FOXP1: variants seen among roughly 807,000 people sequenced by gnomAD.
FOXP1 encodes the protein forkhead box P1.
A neutral mutation model predicts 98.2 loss-of-function variants in FOXP1; 15 were observed. That is an observed-to-expected ratio of 0.15 (90% CI 0.10 to 0.24). The LOEUF is 0.24. Among genes scored for constraint, FOXP1 ranks in the 10% least tolerant of loss-of-function variants. The pLI, the probability that FOXP1 is intolerant of heterozygous loss-of-function variation, is 1.00. For synonymous variants in FOXP1, 371 were observed against 314.5 expected, an observed-to-expected ratio of 1.18 and a Z score of -1.90; for missense variants, 633 against 848.5, an observed-to-expected ratio of 0.75 and a Z score of 3.15.
chr3:71,513,919 C>T (rs959683019), intron 2 of FOXP1, among the ~76,000 whole-genome samples: 1 of 152,230 alleles, frequency 6.6e-6, no homozygotes, highest in Non-Finnish European at 1.5e-5. Flanking sequence ...CCCTAAGCTG[C>T]TTCTCTTGCC....
rs780171188 is a variant in FOXP1 at position 70,956,774 on chromosome 3, A to T, written c.*2473T>A. On this transcript the variant is annotated 3_prime_UTR_variant, in exon 21 of 21. Transcript: ENST00000649528. Reference sequence around the variant, plus strand: ...TTTTTTTTTTTTTTTTTTTTTTTTTAAAGTCTTGCGTGACCACAGACTGCC... The same window carrying T: ...TTTTTTTTTTTTTTTTTTTTTTTTTTAAGTCTTGCGTGACCACAGACTGCC... 557 of 49,296 alleles carry T rather than the reference A, an allele frequency of 0.011. 1 individual carries two copies. The highest frequency in any genetic ancestry group is 0.016 in the Non-Finnish European group (426 of 25,890). 3.1% of individuals were successfully genotyped at this position (49,296 alleles called of 1,614,324 possible). A position where few individuals can be genotyped will look rare whatever the true frequency, so the allele number is the denominator to read the frequency against.
intron 3 of FOXP1, among the ~76,000 whole-genome samples, chr3:71,400,850 A>C (rs185399739): frequency 6.6e-6 from 1 of 152,280 alleles, no homozygotes; most frequent in East Asian, 1.9e-4. Flanking sequence ...TTTGAGGAAG[A>C]ATTAGAAAAT....
At chr3:70,984,452 T>C (rs1013442589) in intron 14 of FOXP1, among the ~76,000 whole-genome samples, 2 of 152,196 alleles carry the variant, frequency 1.3e-5, no homozygotes, top group Non-Finnish European at 2.9e-5. Context: ...TACTTACAGG[T>C]AGTGCAATTC....
chr3:71,176,800 G>A (rs1296417933), intron 6 of FOXP1, among the ~76,000 whole-genome samples: 3 of 142,762 alleles, frequency 2.1e-5, no homozygotes, highest in Non-Finnish European at 4.5e-5. Flanking sequence ...GGTGGCTCAC[G>A]CCTATAATCC....
intron 5 of FOXP1, among the ~76,000 whole-genome samples, chr3:71,220,626 G>A (rs1029019133): frequency 1.6e-4 from 25 of 152,078 alleles, no homozygotes; most frequent in Middle Eastern, 6.8e-3. Context: ...GGCAGTGCAC[G>A]CCTGTAGTCC....
chr3:71,562,586 T>C (rs2046623231), intron 2 of FOXP1, among the ~76,000 whole-genome samples: 1 of 152,182 alleles, frequency 6.6e-6, no homozygotes, highest in Non-Finnish European at 1.5e-5. Flanking sequence ...TGACAGACAC[T>C]GGGCATCATG....
chr3:71,223,155 TAA>T (rs946445790), intron 5 of FOXP1, among the ~76,000 whole-genome samples: 2 of 152,304 alleles, frequency 1.3e-5, no homozygotes, highest in African/African-American at 2.4e-5. Flanking sequence ...TCCCCCATTC[TAA>T]AAAGAGTCTC....
At chr3:71,486,863 T>C (rs1187784501) in intron 3 of FOXP1, among the ~76,000 whole-genome samples, 8 of 152,226 alleles carry the variant, frequency 5.3e-5, no homozygotes, top group Non-Finnish European at 1.0e-4. Flanking sequence ...TCACGGAAGA[T>C]ATCATTTGAA....
intron 3 of FOXP1, among the ~76,000 whole-genome samples, chr3:71,401,999 G>C (rs1433024055): frequency 6.6e-6 from 1 of 152,166 alleles, no homozygotes; most frequent in Non-Finnish European, 1.5e-5. Context: ...AACGCCATGA[G>C]AGACGGAATG....
At chr3:71,022,115 TTTAAG>T (rs1213953792) in intron 11 of FOXP1, among the ~76,000 whole-genome samples, 1 of 152,220 alleles carries the variant, frequency 6.6e-6, no homozygotes, top group East Asian at 1.9e-4. Context: ...TATGGTCTGT[TTTAAG>T]TTAATTTTTG....
intron 18 of FOXP1, chr3:70,972,016 G>C: frequency 7.0e-7 from 1 of 1,432,336 alleles, no homozygotes; most frequent in Non-Finnish European, 9.1e-7. Context: ...CTTACTGTGC[G>C]ACAAGCTCGT....
chr3:71,347,190 C>T (rs1274890056), intron 4 of FOXP1, among the ~76,000 whole-genome samples: 1 of 152,162 alleles, frequency 6.6e-6, no homozygotes, highest in Non-Finnish European at 1.5e-5. Context: ...TTGGTTCTTT[C>T]TTTAAGAAGG....
At chr3:71,073,457 C>T (rs139941886) in intron 7 of FOXP1, among the ~76,000 whole-genome samples, 2,138 of 152,270 alleles carry the variant, frequency 0.014, 24 homozygotes, top group Non-Finnish European at 0.023. Flanking sequence ...CTTACGACAA[C>T]CTATGAAACA....
intron 1 of FOXP1, chr3:71,582,363 T>G (rs1033354822): frequency 1.0e-6 from 1 of 975,194 alleles, no homozygotes; most frequent in Non-Finnish European, 1.2e-6. Flanking sequence ...GGCAAACTCC[T>G]CGGCTCCCGG....
At chr3:71,052,490 G>A (rs1322375394) in intron 9 of FOXP1, 47 bp downstream of exon 9, 2 of 876,110 alleles carry the variant, frequency 2.3e-6, no homozygotes, top group South Asian at 1.3e-5. Context: ...CCACTAGATA[G>A]TCCTCTGGGA....
At chr3:71,150,785 TAG>T (rs1415757413) in intron 6 of FOXP1, among the ~76,000 whole-genome samples, 4 of 152,052 alleles carry the variant, frequency 2.6e-5, no homozygotes, top group African/African-American at 7.2e-5. Context: ...TCGCTTGTAA[TAG>T]AGTTTTCCTC....
intron 6 of FOXP1, among the ~76,000 whole-genome samples, chr3:71,195,854 T>C (rs2108365215): frequency 6.6e-6 from 1 of 152,358 alleles, no homozygotes; most frequent in Middle Eastern, 3.4e-3. Flanking sequence ...ATGCTCACAT[T>C]TCTCCAAACT....
rs866603613 is a variant in FOXP1, at chr3:71,268,073, T to C, written c.-12+31747A>G. Among the ~76,000 whole-genome samples, 245 of 149,408 alleles carry C rather than the reference T, an allele frequency of 1.6e-3. No individual in the cohort carries two copies. The Middle Eastern group carries it at 0.019, about 11-fold the overall frequency. Reference sequence around the variant, plus strand: ...TGATTTTAAAATTATTTCAGCTTCTTTTTTTTCTTTTCTTTTCTTTTTTTT... The same window carrying C: ...TGATTTTAAAATTATTTCAGCTTCTCTTTTTTCTTTTCTTTTCTTTTTTTT... On this transcript the variant is annotated intron_variant, in intron 5 of 20. Transcript: ENST00000649528.
chr3:70,963,593 G>A (rs374977892), intron 20 of FOXP1, among the ~76,000 whole-genome samples: 3 of 149,974 alleles, frequency 2.0e-5, no homozygotes, highest in African/African-American at 5.1e-5. Context: ...CTGAATAACT[G>A]TGTGCAAAAC....
Sources: gnomAD v4.1 joint callset for allele counts (sites outside exome capture counted in the v4.1 genomes callset) on GRCh38, gnomAD v4.1.1 for gene constraint, MANE v1.5 for transcripts, NCBI Gene and HGNC (gene_info 2026-07-23, HGNC 2026-07-21) for gene names.